Variants in ANXA7 observed in about 807,000 individuals in gnomAD.
ANXA7 encodes annexin A7.
A neutral mutation model predicts 64.9 loss-of-function variants in ANXA7; 55 were observed. The ratio of observed to expected loss-of-function variants is 0.85; its 90% CI spans 0.68 to 1.06. The LOEUF (loss-of-function observed/expected upper bound fraction) is 1.06. Ranked by LOEUF, ANXA7 falls within the 50% of genes least tolerant of loss-of-function variation. The pLI is 0.00. For missense variants in ANXA7, 548 were observed against 582.1 expected, an observed-to-expected ratio of 0.94 and a Z score of 0.60; for synonymous variants, 200 against 192.4, an observed-to-expected ratio of 1.04 and a Z score of -0.33.
chr10:73,411,003 T>C (rs963622124), intron 1 of ANXA7, among the ~76,000 whole-genome samples: 2 of 152,172 alleles, frequency 1.3e-5, no homozygotes, highest in Non-Finnish European at 2.9e-5. Context: ...CATGTATATT[T>C]ATAGCAGCAC....
intron 5 of ANXA7, among the ~76,000 whole-genome samples, chr10:73,390,904 G>T (rs1478967976): frequency 6.6e-6 from 1 of 151,730 alleles, no homozygotes; most frequent in Non-Finnish European, 1.5e-5. Context: ...GGGCACAGTG[G>T]CTCATGCCTG....
At chr10:73,392,720 T>C (rs187504322) in intron 5 of ANXA7, among the ~76,000 whole-genome samples, 4 of 152,224 alleles carry the variant, frequency 2.6e-5, no homozygotes, top group East Asian at 1.9e-4. Flanking sequence ...TAAGAGCTAT[T>C]TATGACAAAT....
intron 1 of ANXA7, among the ~76,000 whole-genome samples, chr10:73,407,522 T>C (rs968986806): frequency 6.6e-6 from 1 of 151,622 alleles, no homozygotes; most frequent in Non-Finnish European, 1.5e-5. Context: ...CACACTCTGA[T>C]ACCAGAATAC....
Position 73,388,370 on chromosome 10 carries a change from A to G in ANXA7, c.480T>C (p.Ala160=). The change falls in exon 6 of 13, where the codon GCT becomes GCC. Residue 160 remains alanine (A), a synonymous_variant. Transcript: ENST00000372921. ...TQVTQGTIRP[A]ANFDAIRDAE... Reference sequence around the variant, plus strand: ...CATCTCTTATAGCATCGAAGTTGGCAGCTGGTCGGATAGTTCCTTGAGTGA... The same window carrying G: ...CATCTCTTATAGCATCGAAGTTGGCGGCTGGTCGGATAGTTCCTTGAGTGA... The G allele has an allele frequency of 6.2e-7, 1 of 1,614,138 alleles. No homozygotes were observed. The highest frequency in any genetic ancestry group is 8.5e-7 in the Non-Finnish European group (1 of 1,179,968).
At chr10:73,394,050 G>T (rs1188952346) in intron 5 of ANXA7, among the ~76,000 whole-genome samples, 3 of 152,142 alleles carry the variant, frequency 2.0e-5, no homozygotes, top group East Asian at 3.8e-4. Context: ...AGTGGGCAAA[G>T]GATATGAACA....
intron 5 of ANXA7, 24 bp from the exon 6 acceptor site, chr10:73,388,438 C>T (rs757587623): frequency 6.4e-6 from 10 of 1,560,776 alleles, no homozygotes; most frequent in East Asian, 4.5e-5. Flanking sequence ...GCATAAAATC[C>T]GTGTCAGCAT....
chr10:73,407,900 TA>T (rs1404213560), intron 1 of ANXA7, among the ~76,000 whole-genome samples: 1 of 152,218 alleles, frequency 6.6e-6, no homozygotes, highest in Non-Finnish European at 1.5e-5. Context: ...CAGTCAATTA[TA>T]AAATAATCAT....
Position 73,400,980 on chromosome 10 carries a change from C to A in ANXA7, c.-1-123G>T. ...GGAGTGCAGTGGCGTGATTTTGGCTCACTGCAACCTCTGCCTCCGGGTTCA... is the reference window on the plus strand; with the variant it reads ...GGAGTGCAGTGGCGTGATTTTGGCTAACTGCAACCTCTGCCTCCGGGTTCA... On this transcript the variant is annotated intron_variant, in intron 1 of 12. Coordinates refer to ENST00000372921, the MANE Select transcript of ANXA7 (RefSeq NM_001156.5). The A allele has an allele frequency of 6.3e-6, 4 of 631,472 alleles. No individual in the cohort carries two copies. The South Asian group carries it at 9.3e-5, about 15-fold the overall frequency. The allele number at this position is 631,472 out of a possible 1,614,324, so 39.1% of individuals were successfully genotyped here.
intron 1 of ANXA7, among the ~76,000 whole-genome samples, chr10:73,413,567 C>G (rs940015498): frequency 7.2e-5 from 11 of 152,222 alleles, no homozygotes; most frequent in African/African-American, 2.7e-4. Context: ...CGCATTCTGT[C>G]CTACGGTTCA....
rs376089849 is a variant in ANXA7, at chr10:73,397,313, C to A, written c.260-39G>T. ...CATGTCAATAAACTATAGTACAGTT[C>A]TCATGATTGCAGAAAAAACTTTAGA... On this transcript the variant is annotated intron_variant, in intron 3 of 12. Coordinates refer to ENST00000372921, the MANE Select transcript of ANXA7 (RefSeq NM_001156.5). 4.6e-6 allele frequency: 6 copies of A among 1,313,408 alleles called. No individual in the cohort carries two copies. The African/African-American group carries it at 7.4e-5, about 16-fold the overall frequency. The allele number at this position is 1,313,408 out of a possible 1,614,324, so 81.4% of individuals were successfully genotyped here. A position where few individuals can be genotyped will look rare whatever the true frequency, so the allele number is the denominator to read the frequency against.
chr10:73,403,297 T>G (rs2055701183), intron 1 of ANXA7, among the ~76,000 whole-genome samples: 1 of 152,210 alleles, frequency 6.6e-6, no homozygotes, highest in South Asian at 2.1e-4. Context: ...GAGATCAGCC[T>G]GGGCAACAAA....
At chr10:73,376,544 C>A (rs2055174085) in intron 12 of ANXA7, among the ~76,000 whole-genome samples, 1 of 152,160 alleles carries the variant, frequency 6.6e-6, no homozygotes, top group African/African-American at 2.4e-5. Flanking sequence ...GAAATGGGAA[C>A]ACTTGTACAC....
rs181867655 is a variant in ANXA7, at chr10:73,395,711, G to A, written c.435+808C>T. ...TGAGGCAGGAAAATCGCTTGAACCC[G>A]GAAGGTGGAGGGTGCAGTGAGCCGA... is the stretch of plus-strand genomic sequence containing the variant. On this transcript the variant is annotated intron_variant, in intron 5 of 12. Transcript: ENST00000372921. Among the ~76,000 whole-genome samples, 194 of 152,012 alleles carry A rather than the reference G, an allele frequency of 1.3e-3. 3 individuals carry two copies. The highest frequency in any genetic ancestry group is 0.011 in the Admixed American group (162 of 15,274).
chr10:73,394,731 G>T (rs2055542667), intron 5 of ANXA7, among the ~76,000 whole-genome samples: 2 of 152,012 alleles, frequency 1.3e-5, no homozygotes, highest in East Asian at 3.8e-4. Flanking sequence ...TGGTGGGGAG[G>T]GATAGCATTA....
chr10:73,377,283 T>C (rs1383325022), intron 12 of ANXA7, among the ~76,000 whole-genome samples: 1 of 151,682 alleles, frequency 6.6e-6, no homozygotes, highest in Non-Finnish European at 1.5e-5. Flanking sequence ...TAATTTAGGG[T>C]TTTTGGCCGG....
intron 1 of ANXA7, among the ~76,000 whole-genome samples, chr10:73,404,184 A>G (rs527987184): frequency 6.6e-6 from 1 of 152,220 alleles, no homozygotes; most frequent in Non-Finnish European, 1.5e-5. Flanking sequence ...AGGGTGGTAG[A>G]GTGTGGTTAG....
rs144869858 is a variant in ANXA7, at chr10:73,380,144, G to A, written c.976C>T (p.Arg326Cys). The change falls in exon 10 of 13, where the codon CGT becomes TGT. Residue 326 changes from arginine to cysteine, a missense_variant. Coordinates refer to ENST00000372921, the MANE Select transcript of ANXA7 (RefSeq NM_001156.5). The stretch of plus-strand genomic sequence containing the variant: ...CTCCCCTCACCAGCTTGATAGAGAC[G>A]CTGAGCATCTTCCTGAGCCATTTGG... The part of the protein sequence containing the change: ...NHQMAQEDAQ[R>C]LYQAGEGRLG... The A allele has an allele frequency of 9.9e-6, 16 of 1,614,068 alleles. No homozygotes were observed. Among genetic ancestry groups the A allele is most frequent in the South Asian group, 1.1e-5 (1 of 91,088 alleles).
intron 1 of ANXA7, among the ~76,000 whole-genome samples, chr10:73,409,308 G>A (rs772103470): frequency 9.9e-5 from 15 of 152,104 alleles, no homozygotes; most frequent in African/African-American, 3.1e-4. Context: ...AAATGAAATC[G>A]GTAAAGTCTC....
intron 6 of ANXA7, among the ~76,000 whole-genome samples, chr10:73,388,078 C>A (rs1262135196): frequency 1.3e-5 from 2 of 151,982 alleles, no homozygotes; most frequent in Non-Finnish European, 2.9e-5. Context: ...TGGTCTTGAA[C>A]TCAGGTGATC....
Sources: allele counts gnomAD v4.1 joint callset (sites outside exome capture counted in the v4.1 genomes callset), GRCh38; gene constraint gnomAD v4.1.1; transcripts MANE v1.5; gene names NCBI Gene and HGNC (gene_info 2026-07-23, HGNC 2026-07-21).